Variants in CFAP99 observed in about 807,000 individuals in gnomAD.
CFAP99 encodes cilia- and flagella-associated protein 99.
Under a neutral mutation model 82.7 loss-of-function variants are expected in CFAP99, and 84 were observed. The ratio of observed to expected loss-of-function variants is 1.02; its 90% CI spans 0.85 to 1.22. The LOEUF (loss-of-function observed/expected upper bound fraction) is 1.22. Ranked by LOEUF, CFAP99 falls within the 50% of genes most tolerant of loss-of-function variation. The pLI is 0.00. For synonymous variants in CFAP99, 456 were observed against 429.5 expected, an observed-to-expected ratio of 1.06 and a Z score of -0.76; for missense variants, 1,059 against 983.5, an observed-to-expected ratio of 1.08 and a Z score of -1.03.
intron 2 of CFAP99, among the ~76,000 whole-genome samples, chr4:2,430,716 C>T (rs1733782246): frequency 6.6e-6 from 1 of 152,020 alleles, no homozygotes; most frequent in South Asian, 2.1e-4. Context: ...AAGGAAGATC[C>T]ACTTGAACCT....
Position 2,459,241 on chromosome 4 carries a change from C to T in CFAP99, c.1438C>T (p.Leu480Phe), listed in dbSNP as rs771646446. Reference sequence around the variant, plus strand: ...GACACAGCCCACGCGCAAGGGCAAGCTCGTGGACCTGACCCAGGTGAGGAT... The same window carrying T: ...GACACAGCCCACGCGCAAGGGCAAGTTCGTGGACCTGACCCAGGTGAGGAT... The change falls in exon 13 of 15, where the codon CTC becomes TTC. Residue 480 changes from leucine (L) to phenylalanine (F), a missense_variant. Leu to Phe is a conservative substitution (Grantham distance 22). Coordinates refer to ENST00000635017, the Ensembl canonical transcript of CFAP99. The T allele has an allele frequency of 1.8e-5, 28 of 1,534,282 alleles. No homozygotes were observed. Among genetic ancestry groups the T allele is most frequent in the Middle Eastern group, 1.7e-4 (1 of 5,996 alleles).
intron 1 of CFAP99, among the ~76,000 whole-genome samples, chr4:2,419,525 C>T (rs940401234): frequency 1.2e-4 from 19 of 152,284 alleles, no homozygotes; most frequent in Middle Eastern, 3.4e-3. Context: ...CAGCGCTGCA[C>T]TTTTCCCTGC....
At chr4:2,438,494 C>A (rs907003874) in intron 4 of CFAP99, among the ~76,000 whole-genome samples, 1 of 152,090 alleles carries the variant, frequency 6.6e-6, no homozygotes, top group African/African-American at 2.4e-5. Context: ...AATCTCCTGA[C>A]CTCGTGATCC....
chr4:2,421,039 T>C (rs919312296), intron 1 of CFAP99, among the ~76,000 whole-genome samples: 6 of 151,974 alleles, frequency 3.9e-5, no homozygotes, highest in Non-Finnish European at 7.4e-5. Flanking sequence ...AAAATCAGAG[T>C]TTTCTTATTT....
chr4:2,442,990 GGT>G, intron 4 of CFAP99, 138 bp from the exon 5 acceptor site: 1 of 433,678 alleles, frequency 2.3e-6, no homozygotes, highest in Non-Finnish European at 4.1e-6. Context: ...AGCTCACTGG[GGT>G]GCTGGGGGCC....
exon 14 of CFAP99, chr4:2,460,117 G>C (rs1007433053): frequency 1.0e-5 from 16 of 1,536,132 alleles, no homozygotes; most frequent in Admixed American, 2.0e-5. Context: ...AGAATCAGCG[G>C]CGCAAGGAGG....
chr4:2,429,253 C>G (rs756062525), intron 2 of CFAP99: 5 of 151,946 alleles, frequency 3.3e-5, no homozygotes, highest in Non-Finnish European at 7.4e-5. Context: ...CTTCCTCAAG[C>G]AAAAAGTGGT....
chr4:2,435,479 A>G (rs893549942), intron 2 of CFAP99, among the ~76,000 whole-genome samples: 34 of 152,332 alleles, frequency 2.2e-4, no homozygotes, highest in Admixed American at 8.5e-4. Context: ...TAGCCTTAAC[A>G]TAGAGACCTT....
At chr4:2,449,790 A>T in intron 7 of CFAP99, 40 bp downstream of exon 7, 1 of 1,522,840 alleles carries the variant, frequency 6.6e-7, no homozygotes, top group Non-Finnish European at 8.8e-7. Context: ...GAGACCCCAT[A>T]TGAGGGATGT....
At chr4:2,432,539 C>T (rs1733819552) in intron 2 of CFAP99, among the ~76,000 whole-genome samples, 1 of 152,190 alleles carries the variant, frequency 6.6e-6, no homozygotes, top group Non-Finnish European at 1.5e-5. Context: ...ATCACAAATC[C>T]TGTTGTTAAT....
chr4:2,435,011 A>G (rs565635135), intron 2 of CFAP99, among the ~76,000 whole-genome samples: 5 of 152,282 alleles, frequency 3.3e-5, no homozygotes, highest in African/African-American at 1.2e-4. Context: ...AAAGCAACTG[A>G]AGGGCTGGGT....
chr4:2,431,193 C>A (rs1207826965), intron 2 of CFAP99, among the ~76,000 whole-genome samples: 1 of 150,360 alleles, frequency 6.7e-6, no homozygotes, highest in Non-Finnish European at 1.5e-5. Flanking sequence ...ATGGTGAAAC[C>A]CCGTTTCTAC....
At chr4:2,445,498 G>A (rs564801916) in intron 6 of CFAP99, among the ~76,000 whole-genome samples, 190 bp downstream of exon 6, 8 of 151,680 alleles carry the variant, frequency 5.3e-5, no homozygotes, top group South Asian at 2.1e-4. Context: ...CAGCTGACCC[G>A]GAGCCCACCC....
At chr4:2,434,990 A>T (rs1250808385) in intron 2 of CFAP99, among the ~76,000 whole-genome samples, 2 of 152,074 alleles carry the variant, frequency 1.3e-5, no homozygotes, top group Non-Finnish European at 2.9e-5. Flanking sequence ...TTACCCTGTT[A>T]TCTTAGTATA....
chr4:2,447,362 A>G (rs1734187876), intron 6 of CFAP99, among the ~76,000 whole-genome samples: 3 of 151,842 alleles, frequency 2.0e-5, no homozygotes, highest in African/African-American at 7.3e-5. Flanking sequence ...GGGTGGATGG[A>G]TGGATGATTG....
intron 8 of CFAP99, 58 bp downstream of exon 8, chr4:2,450,063 A>T: frequency 2.0e-6 from 3 of 1,502,842 alleles, no homozygotes; most frequent in South Asian, 1.2e-5. Flanking sequence ...AAGCCATCAG[A>T]AAGTTCCTCC....
chr4:2,438,420 A>G (rs112946854), intron 4 of CFAP99, among the ~76,000 whole-genome samples: 7,604 of 151,608 alleles, frequency 0.05, 617 homozygotes, highest in African/African-American at 0.17. Flanking sequence ...CCGCCACCAC[A>G]CCCGGCTATT....
At chr4:2,429,312 G>T (rs1733750934) in intron 2 of CFAP99, 1 of 152,190 alleles carries the variant, frequency 6.6e-6, no homozygotes, top group Non-Finnish European at 1.5e-5. Context: ...AAAAAAATGA[G>T]TTTGTTACAA....
chr4:2,448,891 G>A lies in CFAP99; in HGVS notation c.643-779G>A, dbSNP rs1024397038. On this transcript the variant is annotated intron_variant, in intron 6 of 14. Coordinates refer to ENST00000635017, the Ensembl canonical transcript of CFAP99. This position sits in a 1 kb window ranked among gnomAD's most constrained non-coding sequence, Gnocchi z 5.2. The stretch of plus-strand genomic sequence containing the variant: ...GAGAGGCAGTTCCTGGAGATGGCTT[G>A]AAGCAGGTGGGCAGGAGATGGATGT... Among the ~76,000 whole-genome samples the A allele has an allele frequency of 6.6e-6, 1 of 152,248 alleles. No homozygotes were observed. The highest frequency in any genetic ancestry group is 2.4e-5 in the African/African-American group (1 of 41,464).
Sources: allele counts gnomAD v4.1 joint callset (sites outside exome capture counted in the v4.1 genomes callset), GRCh38; gene constraint gnomAD v4.1.1; non-coding constraint Gnocchi (gnomAD v3.1); transcripts MANE v1.5; gene names NCBI Gene and HGNC (gene_info 2026-07-23, HGNC 2026-07-21).